Variants in EIF3H observed in about 807,000 individuals in gnomAD.
EIF3H encodes the protein eIF-3-gamma.
In EIF3H, 26 loss-of-function variants were observed where a neutral mutation model predicts 44.2. The ratio of observed to expected loss-of-function variants is 0.59; its 90% CI spans 0.43 to 0.82. EIF3H has a LOEUF of 0.82. Ranked by LOEUF, EIF3H falls within the 40% of genes least tolerant of loss-of-function variation. The probability of loss-of-function intolerance (pLI) is 0.00; values close to 1 mark genes in which losing one functional copy is unlikely to be tolerated. For synonymous variants in EIF3H, 166 were observed against 151.9 expected (o/e 1.09, Z -0.68); for missense variants, 359 against 432.8 (o/e 0.83, Z 1.51).
intron 2 of EIF3H, among the ~76,000 whole-genome samples, chr8:116,704,348 A>T (rs1344376292): frequency 6.6e-6 from 1 of 152,234 alleles, no homozygotes; most frequent in East Asian, 1.9e-4. Flanking sequence ...CACGTGCTCA[A>T]CGAATGTTAG....
At chr8:116,654,780 C>T (rs1248153887) in intron 5 of EIF3H, among the ~76,000 whole-genome samples, 4 of 152,144 alleles carry the variant, frequency 2.6e-5, no homozygotes, top group Admixed American at 1.3e-4. Flanking sequence ...GATCAATTAA[C>T]GCAATGGAAG....
At chr8:116,705,501 A>C (rs4341195) in intron 2 of EIF3H, among the ~76,000 whole-genome samples, 81,214 of 128,018 alleles carry the variant, frequency 0.63, 27,114 homozygotes, top group Non-Finnish European at 0.75. Flanking sequence ...ACCCCCCCCC[A>C]CCACCAACAC....
chr8:116,753,281 C>T (rs1001955653), intron 1 of EIF3H, among the ~76,000 whole-genome samples: 3 of 152,098 alleles, frequency 2.0e-5, no homozygotes, highest in Non-Finnish European at 4.4e-5. Flanking sequence ...TACCCACCAC[C>T]GTGAATAAGA....
At chr8:116,645,935 CATGAATGTCAT>C (rs1276261794) in intron 7 of EIF3H, among the ~76,000 whole-genome samples, 2 of 152,182 alleles carry the variant, frequency 1.3e-5, no homozygotes, top group Admixed American at 1.3e-4. Flanking sequence ...CAAATAAGGG[CATGAATGTCAT>C]ATATTCAAAA....
chr8:116,738,748 AT>A (rs1410750366), intron 1 of EIF3H, among the ~76,000 whole-genome samples: 2 of 152,210 alleles, frequency 1.3e-5, no homozygotes, highest in African/African-American at 4.8e-5. Context: ...ACCACCTATC[AT>A]TTTTAAGCCT....
chr8:116,666,124 G>A (rs768059816), intron 2 of EIF3H, among the ~76,000 whole-genome samples: 1 of 152,082 alleles, frequency 6.6e-6, no homozygotes, highest in African/African-American at 2.4e-5. Flanking sequence ...CTGTTGTATT[G>A]TAAAAGAAGT....
At chr8:116,651,730 A>AT (rs1303766873) in intron 5 of EIF3H, among the ~76,000 whole-genome samples, 1 of 152,186 alleles carries the variant, frequency 6.6e-6, no homozygotes, top group Non-Finnish European at 1.5e-5. Flanking sequence ...TTTTACCCTA[A>AT]TTTCTAAATA....
At chr8:116,657,900 A>G (rs1233933480) in intron 3 of EIF3H, 4 of 152,580 alleles carry the variant, frequency 2.6e-5, no homozygotes, top group South Asian at 2.1e-4. Flanking sequence ...TGAGTAAGGG[A>G]GCTTAGCACT....
intron 7 of EIF3H, among the ~76,000 whole-genome samples, chr8:116,645,350 T>C (rs73701321): frequency 0.035 from 5,385 of 152,246 alleles, 322 homozygotes; most frequent in African/African-American, 0.12. Context: ...AAGGACATAA[T>C]AGCTGTCAGT....
chr8:116,708,246 C>T (rs1169331053), intron 2 of EIF3H, among the ~76,000 whole-genome samples: 1 of 151,876 alleles, frequency 6.6e-6, no homozygotes, highest in African/African-American at 2.4e-5. Context: ...AAATAATGGG[C>T]ACATGAATAA....
At position 116,726,181 on chromosome 8, in the gene EIF3H, T is replaced by C. The variant is rs764623383; in HGVS notation, c.133-9A>G. The C allele has an allele frequency of 5.6e-6, 9 of 1,610,408 alleles. No individual in the cohort carries two copies. Among genetic ancestry groups the C allele is most frequent in the Non-Finnish European group, 7.6e-6 (9 of 1,177,958 alleles). On this transcript the variant is annotated splice_polypyrimidine_tract_variant and intron_variant, in intron 1 of 7. Coordinates refer to ENST00000521861, the MANE Select transcript of EIF3H (RefSeq NM_003756.3). ...ATTATCTTTAATACCACCTAAAACA[T>C]ACACACACAGAAGGGAGCTTAACAA...
chr8:116,674,067 CAAAAAAAAAAAA>C (rs59899280), intron 2 of EIF3H, among the ~76,000 whole-genome samples: 63 of 49,666 alleles, frequency 1.3e-3, no homozygotes, highest in African/African-American at 3.8e-3. Context: ...AAGACTGTCT[CAAAAAAAAAAAA>C]AAAAAAAAAA....
chr8:116,686,482 CAG>C (rs1442367659), intron 2 of EIF3H, among the ~76,000 whole-genome samples: 9 of 152,148 alleles, frequency 5.9e-5, no homozygotes, highest in African/African-American at 1.7e-4. Context: ...TCAGTCATTA[CAG>C]AGTCAGTCCC....
At chr8:116,687,374 A>G (rs1242235092) in intron 2 of EIF3H, among the ~76,000 whole-genome samples, 1 of 152,212 alleles carries the variant, frequency 6.6e-6, no homozygotes. Flanking sequence ...CACATTCACA[A>G]AAATGACTAA....
intron 1 of EIF3H, among the ~76,000 whole-genome samples, chr8:116,742,205 A>G (rs1490510422): frequency 5.3e-5 from 8 of 152,162 alleles, no homozygotes; most frequent in Admixed American, 3.9e-4. Context: ...TTTCATTGCT[A>G]TTCTCTTGGA....
At chr8:116,758,545 A>G (rs1183251319), upstream of EIF3H, among the ~76,000 whole-genome samples, 1 of 152,234 alleles carries the variant, frequency 6.6e-6, no homozygotes, top group Non-Finnish European at 1.5e-5. Context: ...AGTAGAAAAT[A>G]CACACTTTTT....
chr8:116,680,178 A>G (rs1241014548), intron 2 of EIF3H, among the ~76,000 whole-genome samples: 1 of 48,444 alleles, frequency 2.1e-5, no homozygotes, highest in Non-Finnish European at 4.8e-5. Flanking sequence ...CTGCCTGGCC[A>G]GCCGCCCCTT....
intron 2 of EIF3H, among the ~76,000 whole-genome samples, chr8:116,722,825 T>C (rs897534757): frequency 7.9e-5 from 12 of 152,236 alleles, no homozygotes; most frequent in African/African-American, 2.4e-5. Context: ...TTCTCAGTTT[T>C]CCAATCTGTA....
intron 2 of EIF3H, among the ~76,000 whole-genome samples, chr8:116,709,269 A>G (rs1262914046): frequency 6.6e-6 from 1 of 152,148 alleles, no homozygotes; most frequent in African/African-American, 2.4e-5. Flanking sequence ...GCACTTTCTG[A>G]TAAGACAACC....
Sources: gnomAD v4.1 joint callset for allele counts (sites outside exome capture counted in the v4.1 genomes callset) on GRCh38, gnomAD v4.1.1 for gene constraint, MANE v1.5 for transcripts, NCBI Gene and HGNC (gene_info 2026-07-23, HGNC 2026-07-21) for gene names.